The following DIPK1A variants were observed in gnomAD, a reference collection of about 807,000 sequenced individuals.
The protein encoded by DIPK1A is family with sequence similarity 69 member A.
A neutral mutation model predicts 40.8 loss-of-function variants in DIPK1A; 27 were observed. The ratio of observed to expected loss-of-function variants is 0.66; its 90% CI spans 0.49 to 0.91. The LOEUF (loss-of-function observed/expected upper bound fraction) is 0.91. Among genes scored for constraint, DIPK1A ranks in the 40% least tolerant of loss-of-function variants. DIPK1A has a pLI of 0.00. For missense variants in DIPK1A, 412 were observed against 505.7 expected (o/e 0.81, Z 1.78); for synonymous variants, 166 against 171.3 (o/e 0.97, Z 0.24).
At chr1:92,939,263 T>A (rs1166750316) in intron 1 of DIPK1A, among the ~76,000 whole-genome samples, 1 of 152,208 alleles carries the variant, frequency 6.6e-6, no homozygotes, top group Non-Finnish European at 1.5e-5. Context: ...AAGACATTTA[T>A]AACCAAATAC....
chr1:92,949,783 C>G (rs1231291270), intron 1 of DIPK1A, among the ~76,000 whole-genome samples: 1 of 152,186 alleles, frequency 6.6e-6, no homozygotes, highest in Non-Finnish European at 1.5e-5. Context: ...ATAAGCTCAT[C>G]TATACTATTT....
At position 92,842,491 on chromosome 1, in the gene DIPK1A, G is replaced by GATAA; in HGVS notation, c.*888_*891dup. 2 of 978,808 alleles carry GATAA rather than the reference G, an allele frequency of 2.0e-6. No homozygotes were observed. Among genetic ancestry groups the GATAA allele is most frequent in the Non-Finnish European group, 2.4e-6 (2 of 823,974 alleles). 60.6% of individuals were successfully genotyped at this position (978,808 alleles called of 1,614,324 possible). On this transcript the variant is annotated 3_prime_UTR_variant, in exon 5 of 5. Coordinates refer to ENST00000370310, the MANE Select transcript of DIPK1A (RefSeq NM_001006605.5). ...AGTTTACATGGGGAAAAAAACATTA[G>GATAA]ATAAATAAATACATTTACATGCCTC...
At chr1:92,931,955 C>A in intron 1 of DIPK1A, 2 of 332,228 alleles carry the variant, frequency 6.0e-6, no homozygotes, top group Non-Finnish European at 1.3e-5. Context: ...ATACATCAGG[C>A]AAATAAAGTA....
At chr1:92,879,301 A>G (rs1035179010) in intron 1 of DIPK1A, among the ~76,000 whole-genome samples, 1 of 152,256 alleles carries the variant, frequency 6.6e-6, no homozygotes, top group African/African-American at 2.4e-5. Flanking sequence ...GAATGACAGT[A>G]TACTTGATGA....
chr1:92,935,582 G>A (rs375916710), intron 1 of DIPK1A, among the ~76,000 whole-genome samples: 3 of 152,250 alleles, frequency 2.0e-5, no homozygotes, highest in East Asian at 3.9e-4. Context: ...GACTAGCTGC[G>A]TGACCTGAAC....
chr1:92,927,732 T>A (rs1650577691), intron 1 of DIPK1A, among the ~76,000 whole-genome samples: 1 of 152,222 alleles, frequency 6.6e-6, no homozygotes, highest in Non-Finnish European at 1.5e-5. Flanking sequence ...CTTCTGTGAC[T>A]GGCTTTTTTC....
intron 4 of DIPK1A, 51 bp from the exon 5 acceptor site, chr1:92,844,246 G>A (rs1234616567): frequency 3.5e-6 from 4 of 1,132,050 alleles, no homozygotes; most frequent in Non-Finnish European, 5.1e-6. Flanking sequence ...TACCTCCCAT[G>A]CAACATACTA....
intron 1 of DIPK1A, among the ~76,000 whole-genome samples, chr1:92,916,217 T>C (rs1002315720): frequency 3.9e-5 from 6 of 152,086 alleles, no homozygotes; most frequent in African/African-American, 1.2e-4. Flanking sequence ...AATTACTGAA[T>C]TGTGTGCTTT....
intron 2 of DIPK1A, among the ~76,000 whole-genome samples, chr1:92,873,920 T>C (rs957287028): frequency 1.2e-4 from 18 of 152,174 alleles, no homozygotes; most frequent in African/African-American, 4.3e-4. Context: ...TTTTTAGTTC[T>C]AATCCCACAA....
At chr1:92,917,056 C>A (rs1650082569) in intron 1 of DIPK1A, among the ~76,000 whole-genome samples, 1 of 152,076 alleles carries the variant, frequency 6.6e-6, no homozygotes, top group South Asian at 2.1e-4. Context: ...ATTGTGTATT[C>A]TTTTCTCTCT....
At chr1:92,865,971 A>G (rs1314187132) in intron 2 of DIPK1A, among the ~76,000 whole-genome samples, 2 of 152,226 alleles carry the variant, frequency 1.3e-5, no homozygotes, top group Non-Finnish European at 1.5e-5. Context: ...AGAGAAAAAT[A>G]TATTAATTTA....
chr1:92,906,372 T>C (rs1190668576), intron 1 of DIPK1A, among the ~76,000 whole-genome samples: 1 of 152,168 alleles, frequency 6.6e-6, no homozygotes. Context: ...AGAAGAGGCC[T>C]TGAAGATAAC....
chr1:92,927,364 GTTTTTTTTTTT>G (rs61508867), intron 1 of DIPK1A, among the ~76,000 whole-genome samples: 4 of 104,670 alleles, frequency 3.8e-5, no homozygotes, highest in African/African-American at 1.5e-4. Flanking sequence ...CAATTTTGTT[GTTTTTTTTTTT>G]TTTTTTTTTT....
chr1:92,912,640 C>G (rs2100838691), intron 1 of DIPK1A, among the ~76,000 whole-genome samples: 1 of 152,216 alleles, frequency 6.6e-6, no homozygotes, highest in South Asian at 2.1e-4. Context: ...AGATCTAGAG[C>G]TTAGAGTCCA....
At chr1:92,925,281 CT>C (rs1650445565) in intron 1 of DIPK1A, among the ~76,000 whole-genome samples, 2 of 152,052 alleles carry the variant, frequency 1.3e-5, no homozygotes, top group Non-Finnish European at 2.9e-5. Context: ...ATTTTAGTAT[CT>C]GAATTATACT....
At position 92,925,003 on chromosome 1, in the gene DIPK1A, T is replaced by C. The variant is rs965856028; in HGVS notation, c.54+36373A>G. ...TATCTTCTAATTCCAGTTTGCTGGATTTTATTTAAGCCCCATGCTGATTTT... is the reference window on the plus strand; with the variant it reads ...TATCTTCTAATTCCAGTTTGCTGGACTTTATTTAAGCCCCATGCTGATTTT... On this transcript the variant is annotated intron_variant, in intron 1 of 4. Transcript: ENST00000370310. Among the ~76,000 whole-genome samples the C allele has an allele frequency of 2.0e-5, 3 of 152,238 alleles. No homozygotes were observed. In the South Asian group the frequency reaches 6.2e-4, roughly 31 times the overall value.
rs926714098 is a variant in DIPK1A at position 92,930,182 on chromosome 1, C to T, written c.54+31194G>A. ...CAGGGGAGTGATGCTGTTGAATACTCTTCCTCAAAAGCATGGCCTTTTGTG... is the reference window on the plus strand; with the variant it reads ...CAGGGGAGTGATGCTGTTGAATACTTTTCCTCAAAAGCATGGCCTTTTGTG... On this transcript the variant is annotated intron_variant, in intron 1 of 4. Transcript: ENST00000370310. Among the ~76,000 whole-genome samples, 4 of 131,602 alleles carry T rather than the reference C, an allele frequency of 3.0e-5. No homozygotes were observed. The South Asian group carries it at 8.7e-4, about 29-fold the overall frequency. The allele number at this position is 131,602 out of a possible 152,430, so 86.3% of individuals were successfully genotyped here.
chr1:92,916,043 T>C (rs555696783), intron 1 of DIPK1A, among the ~76,000 whole-genome samples: 1 of 152,296 alleles, frequency 6.6e-6, no homozygotes, highest in East Asian at 1.9e-4. Context: ...ATTCCATTTA[T>C]ATGAAATGTC....
At chr1:92,917,949 A>T (rs1650118890) in intron 1 of DIPK1A, among the ~76,000 whole-genome samples, 1 of 152,246 alleles carries the variant, frequency 6.6e-6, no homozygotes, top group Non-Finnish European at 1.5e-5. Flanking sequence ...TCTGTTTTAT[A>T]TAAACAATAA....
Sources: allele counts gnomAD v4.1 joint callset (sites outside exome capture counted in the v4.1 genomes callset), GRCh38; gene constraint gnomAD v4.1.1; transcripts MANE v1.5; gene names NCBI Gene and HGNC (gene_info 2026-07-23, HGNC 2026-07-21).